PTPRD: variants seen among roughly 807,000 people sequenced by gnomAD.
The protein encoded by PTPRD is protein tyrosine phosphatase receptor type D, also known as receptor-type tyrosine-protein phosphatase delta.
In PTPRD, 34 loss-of-function variants were observed where a neutral mutation model predicts 214.5. The ratio of observed to expected loss-of-function variants is 0.16; its 90% CI spans 0.12 to 0.21. The LOEUF (loss-of-function observed/expected upper bound fraction) is 0.21, where lower values mean the gene tolerates loss of function less well. Among genes scored for constraint, PTPRD ranks in the 10% least tolerant of loss-of-function variants. PTPRD has a pLI of 1.00. For synonymous variants in PTPRD, 1,128 were observed against 845.7 expected (o/e 1.33, Z -5.79); for missense variants, 2,545 against 2,398.7 (o/e 1.06, Z -1.27).
intron 10 of PTPRD, among the ~76,000 whole-genome samples, chr9:9,061,202 GTTGTAAAT>G (rs1477055177): frequency 6.6e-6 from 1 of 152,106 alleles, no homozygotes; most frequent in Non-Finnish European, 1.5e-5. Flanking sequence ...AATTCCTTTG[GTTGTAAAT>G]TTGTTTTGTG....
intron 10 of PTPRD, among the ~76,000 whole-genome samples, chr9:9,057,319 A>G (rs930524421): frequency 4.6e-5 from 7 of 152,172 alleles, no homozygotes; most frequent in African/African-American, 1.4e-4. Context: ...GAATCGAAGT[A>G]TATTTGAGCT....
rs575326930 is a variant in PTPRD, at chr9:10,264,920, G to A, written c.-545+76043C>T. 1.9e-4 allele frequency among the ~76,000 whole-genome samples: 29 copies of A among 152,262 alleles called. No individual in the cohort carries two copies. In the South Asian group the frequency reaches 4.4e-3, roughly 23 times the overall value. On this transcript the variant is annotated intron_variant, in intron 3 of 45. Coordinates refer to ENST00000381196, the MANE Select transcript of PTPRD (RefSeq NM_002839.4). The stretch of plus-strand genomic sequence containing the variant: ...ATACTGTTCTCATGGTAGTGAATAA[G>A]TCTCATGAGATCTGATGGTTTTATA...
intron 9 of PTPRD, among the ~76,000 whole-genome samples, chr9:9,295,495 G>T (rs1186735531): frequency 1.3e-5 from 2 of 151,672 alleles, no homozygotes; most frequent in Non-Finnish European, 2.9e-5. Flanking sequence ...CAGCTGTTTT[G>T]AAAGTACATG....
chr9:8,839,728 C>T (rs2097522071), intron 11 of PTPRD, among the ~76,000 whole-genome samples: 1 of 152,188 alleles, frequency 6.6e-6, no homozygotes, highest in South Asian at 2.1e-4. Context: ...GAAAAAGCTA[C>T]CTCTATTAAA....
At chr9:9,855,227 A>G (rs1287170459) in intron 5 of PTPRD, among the ~76,000 whole-genome samples, 1 of 152,214 alleles carries the variant, frequency 6.6e-6, no homozygotes, top group Non-Finnish European at 1.5e-5. Context: ...CTAAAATGAA[A>G]CATTACAGGA....
intron 9 of PTPRD, among the ~76,000 whole-genome samples, chr9:9,325,200 T>G (rs1480510538): frequency 6.6e-6 from 1 of 152,216 alleles, no homozygotes; most frequent in Non-Finnish European, 1.5e-5. Context: ...CATATGAACT[T>G]TAAAGTAGTT....
chr9:9,145,103 G>A (rs2099866461), intron 10 of PTPRD, among the ~76,000 whole-genome samples: 1 of 152,144 alleles, frequency 6.6e-6, no homozygotes, highest in African/African-American at 2.4e-5. Flanking sequence ...GTGTAATTAG[G>A]TTAAAGTTGT....
Position 9,690,493 on chromosome 9 carries a change from C to G in PTPRD, c.-287+44040G>C, listed in dbSNP as rs10977924. Among the ~76,000 whole-genome samples the G allele has an allele frequency of 3.3e-5, 5 of 151,884 alleles. No homozygotes were observed. The East Asian group carries it at 9.7e-4, about 29-fold the overall frequency. Reference sequence around the variant, plus strand: ...CAGAAGATGTTTAGCTTGATATAATCCCATTTGTTTTTGTTGTCTGTGCTT... The same window carrying G: ...CAGAAGATGTTTAGCTTGATATAATGCCATTTGTTTTTGTTGTCTGTGCTT... On this transcript the variant is annotated intron_variant, in intron 7 of 45. Transcript: ENST00000381196.
intron 39 of PTPRD, among the ~76,000 whole-genome samples, chr9:8,354,469 CA>C (rs1443290853): frequency 6.6e-6 from 1 of 152,190 alleles, no homozygotes; most frequent in Non-Finnish European, 1.5e-5. Context: ...TGGCTATCCA[CA>C]TAACTGAATT....
intron 12 of PTPRD, among the ~76,000 whole-genome samples, chr9:8,676,493 A>G (rs539795630): frequency 6.8e-6 from 1 of 146,378 alleles, no homozygotes; most frequent in East Asian, 2.0e-4. Context: ...AGCAATTCTC[A>G]TGCCCCAGCC....
intron 14 of PTPRD, among the ~76,000 whole-genome samples, chr9:8,586,973 C>T (rs1442394863): frequency 1.3e-5 from 2 of 152,180 alleles, no homozygotes; most frequent in South Asian, 2.1e-4. Context: ...CGGTGAAACC[C>T]AGTCTCTACT....
chr9:10,524,320 C>T (rs1300197538), intron 2 of PTPRD, among the ~76,000 whole-genome samples: 2 of 151,986 alleles, frequency 1.3e-5, no homozygotes, highest in Non-Finnish European at 2.9e-5. Context: ...GGAGGCAGTT[C>T]TAAATTTAAA....
intron 3 of PTPRD, among the ~76,000 whole-genome samples, chr9:10,264,518 G>C (rs183466561): frequency 1.1e-3 from 171 of 152,244 alleles, no homozygotes; most frequent in African/African-American, 3.6e-3. Flanking sequence ...GGGGCCTTTA[G>C]TCCCTTTGTT....
intron 5 of PTPRD, among the ~76,000 whole-genome samples, chr9:9,902,929 G>A (rs932306853): frequency 2.6e-5 from 4 of 152,018 alleles, no homozygotes; most frequent in Non-Finnish European, 5.9e-5. Flanking sequence ...TGTGACGTTG[G>A]CTAACAGTGA....
At chr9:10,242,432 C>G (rs563411653) in intron 3 of PTPRD, among the ~76,000 whole-genome samples, 163 of 152,042 alleles carry the variant, frequency 1.1e-3, no homozygotes, top group African/African-American at 3.8e-3. Context: ...TATAATCACT[C>G]AGCTCTCATA....
At chr9:10,446,531 T>G (rs1219247166) in intron 2 of PTPRD, among the ~76,000 whole-genome samples, 1 of 143,522 alleles carries the variant, frequency 7.0e-6, no homozygotes, top group Non-Finnish European at 1.5e-5. Flanking sequence ...GAAAATCAAA[T>G]AGTATAGAAA....
chr9:10,360,982 G>C (rs867102970), intron 2 of PTPRD, among the ~76,000 whole-genome samples: 1 of 151,964 alleles, frequency 6.6e-6, no homozygotes, highest in East Asian at 1.9e-4. Flanking sequence ...GGCGCCTGTA[G>C]TCCCAGCTAC....
At chr9:10,243,898 C>G (rs1027886827) in intron 3 of PTPRD, among the ~76,000 whole-genome samples, 5 of 151,828 alleles carry the variant, frequency 3.3e-5, no homozygotes, top group African/African-American at 1.2e-4. Flanking sequence ...AGAATCAGGT[C>G]CCTGCACCGA....
At chr9:9,275,620 T>C (rs1422267676) in intron 9 of PTPRD, among the ~76,000 whole-genome samples, 1 of 151,262 alleles carries the variant, frequency 6.6e-6, no homozygotes, top group Non-Finnish European at 1.5e-5. Flanking sequence ...GTAGGATGAC[T>C]TTGGTCCCTA....
Sources: allele counts gnomAD v4.1 joint callset (sites outside exome capture counted in the v4.1 genomes callset), GRCh38; gene constraint gnomAD v4.1.1; transcripts MANE v1.5; gene names NCBI Gene and HGNC (gene_info 2026-07-23, HGNC 2026-07-21).